Variants in MARK3 observed in about 807,000 individuals in gnomAD.
MARK3 encodes the protein MAP/microtubule affinity-regulating kinase 3.
In MARK3, 46 loss-of-function variants were observed where a neutral mutation model predicts 90.1. The observed-to-expected ratio is 0.51, with a 90% confidence interval of 0.40 to 0.65. MARK3 has a LOEUF of 0.65. Ranked by LOEUF, MARK3 falls within the 30% of genes least tolerant of loss-of-function variation. The pLI is 0.00. For missense variants in MARK3, 818 were observed against 947.2 expected, an observed-to-expected ratio of 0.86 and a Z score of 1.79; for synonymous variants, 321 against 332.6, an observed-to-expected ratio of 0.97 and a Z score of 0.38.
chr14:103,491,741 C>A (rs199507599), intron 14 of MARK3, 36 bp from the exon 15 acceptor site: 10 of 1,603,064 alleles, frequency 6.2e-6, no homozygotes, highest in Non-Finnish European at 6.8e-6. Context: ...TTTTGTATAT[C>A]ATGTTCTGAG....
chr14:103,438,646 G>C (rs1026409868), intron 3 of MARK3, among the ~76,000 whole-genome samples: 2 of 152,022 alleles, frequency 1.3e-5, no homozygotes, highest in African/African-American at 4.8e-5. Flanking sequence ...CCAGAACCTT[G>C]AGTTTGGGAG....
At chr14:103,485,582 A>G (rs1210303466) in intron 14 of MARK3, among the ~76,000 whole-genome samples, 1 of 152,062 alleles carries the variant, frequency 6.6e-6, no homozygotes, top group Non-Finnish European at 1.5e-5. Context: ...CTTGGACTAT[A>G]TTTTTAATTC....
At chr14:103,426,393 TG>T (rs2092405474) in intron 2 of MARK3, among the ~76,000 whole-genome samples, 1 of 151,988 alleles carries the variant, frequency 6.6e-6, no homozygotes, top group African/African-American at 2.4e-5. Flanking sequence ...CCAAAAAGTG[TG>T]AGAATGTTTG....
intron 6 of MARK3, among the ~76,000 whole-genome samples, chr14:103,459,136 C>G (rs1462825100): frequency 6.6e-6 from 1 of 152,102 alleles, no homozygotes; most frequent in Non-Finnish European, 1.5e-5. Flanking sequence ...TTGCTTCATA[C>G]AATTTACATT....
intron 14 of MARK3, among the ~76,000 whole-genome samples, chr14:103,486,076 C>T (rs1397364946): frequency 6.6e-6 from 1 of 152,112 alleles, no homozygotes; most frequent in African/African-American, 2.4e-5. Context: ...AGGAGGATTG[C>T]TTGAACCCAG....
intron 11 of MARK3, chr14:103,467,674 C>CTAA (rs2093537058): frequency 2.2e-5 from 1 of 44,910 alleles, no homozygotes; most frequent in Admixed American, 3.9e-4. Context: ...GACTCTGTCT[C>CTAA]AAAAAAAAAA....
At chr14:103,477,782 C>G (rs2093740265) in intron 13 of MARK3, among the ~76,000 whole-genome samples, 1 of 151,850 alleles carries the variant, frequency 6.6e-6, no homozygotes, top group Admixed American at 6.6e-5. Flanking sequence ...GCCCAAGAGT[C>G]TGAGATCAGC....
intron 2 of MARK3, among the ~76,000 whole-genome samples, chr14:103,416,388 A>G (rs1458318237): frequency 6.6e-6 from 1 of 152,190 alleles, no homozygotes; most frequent in African/African-American, 2.4e-5. Flanking sequence ...AAAGGAGGAA[A>G]TTGGTGCTGT....
At position 103,385,871 on chromosome 14, in the gene MARK3, C is replaced by G; in HGVS notation, c.-159C>G. 1.7e-6 allele frequency: 1 copy of G among 598,016 alleles called. No individual in the cohort carries two copies. 37.0% of individuals were successfully genotyped at this position (598,016 alleles called of 1,614,324 possible). ...GGGACCCGCCGGGGGACGGCCCGGGCCAGGCCCGGGATCTAGACGGCCGTA... is the reference window on the plus strand; with the variant it reads ...GGGACCCGCCGGGGGACGGCCCGGGGCAGGCCCGGGATCTAGACGGCCGTA... On this transcript the variant is annotated 5_prime_UTR_variant, in exon 1 of 18. Coordinates refer to ENST00000429436, the MANE Select transcript of MARK3 (RefSeq NM_001128918.3).
At chr14:103,421,353 A>G (rs2092213895) in intron 2 of MARK3, among the ~76,000 whole-genome samples, 1 of 152,260 alleles carries the variant, frequency 6.6e-6, no homozygotes, top group Non-Finnish European at 1.5e-5. Flanking sequence ...CAGTAACTGC[A>G]TAGAATGAAC....
intron 14 of MARK3, chr14:103,490,979 T>C (rs1216340134): frequency 2.3e-6 from 3 of 1,283,132 alleles, no homozygotes; most frequent in East Asian, 5.6e-5. Context: ...CTTACGCAGC[T>C]AGCCCTGCCT....
rs754613850 is a variant in MARK3 at position 103,405,124 on chromosome 14, C to A, written c.100C>A (p.Arg34Ser). Reference sequence around the variant, plus strand: ...TCAAGAAGTTACCTCTCGTACCAGCCGCTCAGGAGCTCGGTGTAGAAACTC... The same window carrying A: ...TCAAGAAGTTACCTCTCGTACCAGCAGCTCAGGAGCTCGGTGTAGAAACTC... Reference protein sequence around the residue: ...GRQEVTSRTSRSGARCRNSIA... With the variant: ...GRQEVTSRTSSSGARCRNSIA... The change falls in exon 2 of 18, where the codon CGC becomes AGC. Residue 34 changes from arginine (R) to serine (S), a missense_variant. Around this residue, in one of 3 missense-constraint regions of MARK3, gnomAD observed 157 missense variants for 158.7 expected, o/e 0.99. Transcript: ENST00000429436. 6.2e-7 allele frequency: 1 copy of A among 1,613,878 alleles called. No individual in the cohort carries two copies. Among genetic ancestry groups the A allele is most frequent in the African/African-American group, 1.3e-5 (1 of 74,908 alleles).
chr14:103,412,206 A>G lies in MARK3; in HGVS notation c.243+6939A>G, dbSNP rs1284576025. The G allele has an allele frequency of 6.1e-6, 6 of 981,246 alleles. No homozygotes were observed. The East Asian group carries it at 1.2e-4, about 20-fold the overall frequency. 60.8% of individuals were successfully genotyped at this position (981,246 alleles called of 1,614,324 possible). A position where few individuals can be genotyped will look rare whatever the true frequency, so the allele number is the denominator to read the frequency against. On this transcript the variant is annotated intron_variant, in intron 2 of 17. Transcript: ENST00000429436. Reference sequence around the variant, plus strand: ...AGTTTTTTCTCGAGCAGTGACACCAAGAAGTTAACAGCCAGGTGAATGTTA... The same window carrying G: ...AGTTTTTTCTCGAGCAGTGACACCAGGAAGTTAACAGCCAGGTGAATGTTA...
chr14:103,393,509 T>C (rs2090397771), intron 1 of MARK3, among the ~76,000 whole-genome samples: 1 of 152,160 alleles, frequency 6.6e-6, no homozygotes, highest in Admixed American at 6.5e-5. Flanking sequence ...ATTTAGTCAG[T>C]TTTCAGGGAA....
At chr14:103,482,392 G>A (rs1225462617) in intron 14 of MARK3, among the ~76,000 whole-genome samples, 19 of 151,900 alleles carry the variant, frequency 1.3e-4, no homozygotes, top group South Asian at 2.1e-4. Context: ...GTGGTGGCAC[G>A]CGCCTGTAGT....
chr14:103,480,531 C>A, intron 14 of MARK3, 41 bp downstream of exon 14: 1 of 1,235,162 alleles, frequency 8.1e-7, no homozygotes, highest in Non-Finnish European at 1.2e-6. Context: ...TTGTTTTTCC[C>A]AAGAGAAATG....
chr14:103,390,892 G>A (rs35862113), intron 1 of MARK3, among the ~76,000 whole-genome samples: 1 of 151,774 alleles, frequency 6.6e-6, no homozygotes, highest in Non-Finnish European at 1.5e-5. Context: ...TAATTTTTTC[G>A]TAGAGATGAG....
rs988522518 is a variant in MARK3 at position 103,472,320 on chromosome 14, ACCAAACC to A, written c.1265-2671_1265-2665del. ...TGAAGGTGTTTCTGTCACCCCAAACACCAAACCCATGAAATAAAAGACTTACAAATTT... is the reference window on the plus strand; with the variant it reads ...TGAAGGTGTTTCTGTCACCCCAAACACATGAAATAAAAGACTTACAAATTT... On this transcript the variant is annotated intron_variant, in intron 12 of 17. Coordinates refer to ENST00000429436, the MANE Select transcript of MARK3 (RefSeq NM_001128918.3). Among the ~76,000 whole-genome samples the A allele has an allele frequency of 3.3e-5, 5 of 152,210 alleles. No homozygotes were observed. The South Asian group carries it at 8.3e-4, about 25-fold the overall frequency.
At chr14:103,398,764 G>C (rs939627087) in intron 1 of MARK3, among the ~76,000 whole-genome samples, 4 of 152,188 alleles carry the variant, frequency 2.6e-5, no homozygotes, top group African/African-American at 9.7e-5. Flanking sequence ...AAAGTGAAAC[G>C]TGACTTTGTG....
Sources: gnomAD v4.1 joint callset for allele counts (sites outside exome capture counted in the v4.1 genomes callset) on GRCh38, gnomAD v4.1.1 for gene constraint, gnomAD v4.1.1 regional missense constraint, MANE v1.5 for transcripts, NCBI Gene and HGNC (gene_info 2026-07-23, HGNC 2026-07-21) for gene names.